Variants in AGAP1 observed in about 807,000 individuals in gnomAD.
AGAP1 encodes the protein arf-GAP with GTPase, ANK repeat and PH domain-containing protein 1.
Under a neutral mutation model 105.3 loss-of-function variants are expected in AGAP1, and 29 were observed. That is an observed-to-expected ratio of 0.28 (90% CI 0.21 to 0.38). The LOEUF is 0.38. Ranked by LOEUF, AGAP1 falls within the 10% of genes least tolerant of loss-of-function variation. The probability of loss-of-function intolerance (pLI) is 1.00; values close to 1 mark genes in which losing one functional copy is unlikely to be tolerated. For missense variants in AGAP1, 998 were observed against 1,165.1 expected (o/e 0.86, Z 2.09); for synonymous variants, 509 against 485.9 (o/e 1.05, Z -0.63).
intron 9 of AGAP1, among the ~76,000 whole-genome samples, chr2:235,818,403 C>G (rs998089962): frequency 1.3e-5 from 2 of 152,162 alleles, no homozygotes. Context: ...GCATCCCCTT[C>G]CCGCCCCATG....
At chr2:235,746,573 CAG>C (rs1398493435) in intron 5 of AGAP1, among the ~76,000 whole-genome samples, 13 of 151,660 alleles carry the variant, frequency 8.6e-5, no homozygotes, top group Admixed American at 2.0e-4. Flanking sequence ...TGTGAGAATG[CAG>C]AGTTGCCGTA....
intron 1 of AGAP1, among the ~76,000 whole-genome samples, chr2:235,645,163 T>A (rs1947332108): frequency 1.3e-5 from 2 of 152,300 alleles, no homozygotes; most frequent in South Asian, 4.1e-4. Flanking sequence ...CCCAAAGTGC[T>A]GGGATTATAG....
chr2:235,748,673 G>GAA (rs1479427448), intron 5 of AGAP1, among the ~76,000 whole-genome samples: 1 of 152,016 alleles, frequency 6.6e-6, no homozygotes, highest in Admixed American at 6.5e-5. Flanking sequence ...AAAGAGAAAA[G>GAA]AAAAAACTGA....
intron 13 of AGAP1, among the ~76,000 whole-genome samples, chr2:236,015,571 T>A (rs1172416698): frequency 6.6e-6 from 1 of 152,008 alleles, no homozygotes; most frequent in African/African-American, 2.4e-5. Context: ...TTTTTTATGA[T>A]TACAAATGTC....
chr2:235,911,471 G>A (rs545465482), intron 11 of AGAP1, among the ~76,000 whole-genome samples: 2 of 152,370 alleles, frequency 1.3e-5, no homozygotes, highest in Admixed American at 1.3e-4. Flanking sequence ...CACCAATTCT[G>A]TGAAGAAGCG....
chr2:235,543,437 G>C (rs572772613), intron 1 of AGAP1, among the ~76,000 whole-genome samples: 3 of 152,332 alleles, frequency 2.0e-5, no homozygotes, highest in African/African-American at 7.2e-5. Context: ...GGGGAGAACT[G>C]CTGGTTTCAG....
chr2:235,598,327 T>C (rs975246382), intron 1 of AGAP1, among the ~76,000 whole-genome samples: 4 of 152,194 alleles, frequency 2.6e-5, no homozygotes, highest in African/African-American at 7.2e-5. Flanking sequence ...TAAATAATTA[T>C]CTTACTTATT....
Position 235,552,327 on chromosome 2 carries a change from T to G in AGAP1, c.163+57478T>G, listed in dbSNP as rs896563947. 6.6e-6 allele frequency among the ~76,000 whole-genome samples: 1 copy of G among 152,200 alleles called. No individual in the cohort carries two copies. The highest frequency in any genetic ancestry group is 2.4e-5 in the African/African-American group (1 of 41,468). On this transcript the variant is annotated intron_variant, in intron 1 of 17. Transcript: ENST00000304032. This position sits in a 1 kb window ranked among gnomAD's most constrained non-coding sequence, Gnocchi z 5.9. Reference sequence around the variant, plus strand: ...GGGACATTTAATAACTGGAAGTAGCTTAGGAAGCCAGGTTTGGAGTGCTGC... The same window carrying G: ...GGGACATTTAATAACTGGAAGTAGCGTAGGAAGCCAGGTTTGGAGTGCTGC...
At chr2:235,844,364 G>A (rs1055064880) in intron 9 of AGAP1, among the ~76,000 whole-genome samples, 2 of 152,228 alleles carry the variant, frequency 1.3e-5, no homozygotes, top group African/African-American at 4.8e-5. Context: ...CCTCACTTGC[G>A]CCCTCCTCAG....
rs370340917 is a variant in AGAP1 at position 235,711,555 on chromosome 2, G to A, written c.222+2318G>A. Among the ~76,000 whole-genome samples the A allele has an allele frequency of 1.5e-4, 23 of 152,322 alleles. No homozygotes were observed. In the East Asian group the frequency reaches 2.7e-3, roughly 18 times the overall value. On this transcript the variant is annotated intron_variant, in intron 2 of 17. Coordinates refer to ENST00000304032, the MANE Select transcript of AGAP1 (RefSeq NM_001037131.3). Reference sequence around the variant, plus strand: ...TCAATTTGCTGACACCGTGGGCTTCGATGCTGTTGGTTCTACAGTTCTCAG... The same window carrying A: ...TCAATTTGCTGACACCGTGGGCTTCAATGCTGTTGGTTCTACAGTTCTCAG...
In AGAP1 at chr2:236,124,159, C is replaced by G; in HGVS notation, c.*37C>G. The G allele has an allele frequency of 6.2e-7, 1 of 1,602,654 alleles. No individual in the cohort carries two copies. The highest frequency in any genetic ancestry group is 8.5e-7 in the Non-Finnish European group (1 of 1,171,462). ...GCCCGCCTGCTCGCCGCACCTGGGA[C>G]GCGGCAGCCTCGCCGCATTCTCGCT... On this transcript the variant is annotated 3_prime_UTR_variant, in exon 18 of 18. Transcript: ENST00000304032. This position sits in a 1 kb window ranked among gnomAD's most constrained non-coding sequence, Gnocchi z 5.1.
At chr2:235,848,329 C>T (rs1961753656) in intron 9 of AGAP1, among the ~76,000 whole-genome samples, 1 of 152,184 alleles carries the variant, frequency 6.6e-6, no homozygotes, top group Admixed American at 6.5e-5. Flanking sequence ...ATCACTCCAC[C>T]CACACCCAGC....
chr2:235,814,550 T>G (rs1006023977), intron 9 of AGAP1, among the ~76,000 whole-genome samples: 1 of 152,218 alleles, frequency 6.6e-6, no homozygotes, highest in African/African-American at 2.4e-5. Context: ...CTGCTACGGC[T>G]GGAGGAGGCA....
chr2:235,572,979 C>T lies in AGAP1; in HGVS notation c.163+78130C>T, dbSNP rs557275064. Among the ~76,000 whole-genome samples the T allele has an allele frequency of 9.1e-4, 25 of 27,436 alleles. 1 individual carries two copies. The highest frequency in any genetic ancestry group is 3.4e-3 in the Admixed American group (11 of 3,212). 18.0% of individuals were successfully genotyped at this position (27,436 alleles called of 152,430 possible). On this transcript the variant is annotated intron_variant, in intron 1 of 17. Transcript: ENST00000304032. ...ACTCCCCGATTGCTCCATCTTTTTT[C>T]TTCTTCTTCTTCTTCTTCTTCTTCT...
At chr2:236,006,068 T>C (rs2056312577) in intron 13 of AGAP1, among the ~76,000 whole-genome samples, 1 of 152,228 alleles carries the variant, frequency 6.6e-6, no homozygotes, top group South Asian at 2.1e-4. Context: ...CATTTATGAC[T>C]ATATTCAGTT....
intron 1 of AGAP1, among the ~76,000 whole-genome samples, chr2:235,628,637 A>G (rs976843923): frequency 6.6e-6 from 1 of 150,886 alleles, no homozygotes; most frequent in African/African-American, 2.4e-5. Context: ...TTTTTTTTCC[A>G]TAGGTTATTG....
chr2:235,860,694 A>G (rs2048892317), intron 9 of AGAP1, among the ~76,000 whole-genome samples: 3 of 152,236 alleles, frequency 2.0e-5, no homozygotes, highest in East Asian at 3.8e-4. Flanking sequence ...TGTTTCTGAC[A>G]TTTTAATAGT....
At position 235,606,244 on chromosome 2, in the gene AGAP1, T is replaced by C. The variant is rs187855293; in HGVS notation, c.164-102935T>C. On this transcript the variant is annotated intron_variant, in intron 1 of 17. Transcript: ENST00000304032. ...TTGCGGCTGCCCTTTTTTAACCCCT[T>C]GGTGAATGTGATGTAGGAGGCAGAA... is the stretch of plus-strand genomic sequence containing the variant. 3.5e-3 allele frequency among the ~76,000 whole-genome samples: 537 copies of C among 152,290 alleles called. 7 individuals are homozygous for C. Among genetic ancestry groups the C allele is most frequent in the African/African-American group, 0.012 (516 of 41,580 alleles).
rs115297776 is a variant in AGAP1, at chr2:235,692,344, T to A, written c.164-16835T>A. Among the ~76,000 whole-genome samples, 1 of 152,080 alleles carries A rather than the reference T, an allele frequency of 6.6e-6. No homozygotes were observed. The highest frequency in any genetic ancestry group is 6.5e-5 in the Admixed American group (1 of 15,270). Reference sequence around the variant, plus strand: ...GTGGGGACCTTGCCTTCTCCAGCACTGGGCCGTCCACTTTGCTCCTTTGTG... The same window carrying A: ...GTGGGGACCTTGCCTTCTCCAGCACAGGGCCGTCCACTTTGCTCCTTTGTG... On this transcript the variant is annotated intron_variant, in intron 1 of 17. Coordinates refer to ENST00000304032, the MANE Select transcript of AGAP1 (RefSeq NM_001037131.3). The surrounding 1 kb of genome is among the most constrained non-coding windows in gnomAD (Gnocchi z 5.8).
Sources: allele counts gnomAD v4.1 joint callset (sites outside exome capture counted in the v4.1 genomes callset), GRCh38; gene constraint gnomAD v4.1.1; non-coding constraint Gnocchi (gnomAD v3.1); transcripts MANE v1.5; gene names NCBI Gene and HGNC (gene_info 2026-07-23, HGNC 2026-07-21).